Variants in MUC3A observed in about 807,000 individuals in gnomAD.
MUC3A encodes mucin-3A.
A neutral mutation model predicts 109.0 loss-of-function variants in MUC3A; 109 were observed. That is an observed-to-expected ratio of 1.00 (90% CI 0.86 to 1.17). The LOEUF (loss-of-function observed/expected upper bound fraction) is 1.17, where lower values mean the gene tolerates loss of function less well. MUC3A is among the 50% of genes most tolerant of loss of function. The pLI is 0.00. For missense variants in MUC3A, 3,537 were observed against 2,469.4 expected, an observed-to-expected ratio of 1.43 and a Z score of -9.16; for synonymous variants, 1,398 against 981.4, an observed-to-expected ratio of 1.42 and a Z score of -7.93.
Position 100,953,669 on chromosome 7 carries a change from T to C in MUC3A, c.1890T>C (p.Thr630=). The C allele has an allele frequency of 2.2e-6, 1 of 446,264 alleles. No individual in the cohort carries two copies. The highest frequency in any genetic ancestry group is 3.9e-6 in the Non-Finnish European group (1 of 253,242). The allele number at this position is 446,264 out of a possible 1,614,324, so 27.6% of individuals were successfully genotyped here. ...CAGAATCTCTCACAACAGCCATGAC[T>C]TCTCCTCCCATCACTTCATCAGTCA... ...MSTESLTTAM[T]SPPITSSVTS... is the part of the protein sequence containing the mutation. The change falls in exon 2 of 12, where the codon ACT becomes ACC. Residue 630 remains threonine, a synonymous_variant. Coordinates refer to ENST00000379458, the MANE Select transcript of MUC3A (RefSeq NM_005960.2).
In MUC3A at chr7:100,959,432, G is replaced by A. The variant is rs2116196965; in HGVS notation, c.7653G>A (p.Val2551=). The change falls in exon 2 of 12, where the codon GTG becomes GTA. Residue 2551 remains valine (V), a synonymous_variant. Transcript: ENST00000379458. ...VGTTSPTMST[V]RMTLRITENT... The stretch of plus-strand genomic sequence containing the variant: ...CCACCTCTCCCACCATGTCCACTGT[G>A]AGAATGACCCTCAGAATTACTGAGA... 1.9e-6 allele frequency: 3 copies of A among 1,543,584 alleles called. No individual in the cohort carries two copies. The highest frequency in any genetic ancestry group is 2.6e-6 in the Non-Finnish European group (3 of 1,156,840).
rs1229830781 is a variant in MUC3A at position 100,955,121 on chromosome 7, T to A, written c.3342T>A (p.Thr1114=). The change falls in exon 2 of 12, where the codon ACT becomes ACA. Residue 1114 remains threonine (T), a synonymous_variant. Transcript: ENST00000379458. ...YSTSITGTLS[T]ATTLPPTSSS... ...CAAGTATAACAGGTACATTGTCCAC[T>A]GCCACTACTCTCCCACCCACCTCTT... The A allele has an allele frequency of 2.2e-6, 1 of 451,468 alleles. No homozygotes were observed. Among genetic ancestry groups the A allele is most frequent in the Non-Finnish European group, 3.8e-6 (1 of 264,190 alleles). 28.0% of individuals were successfully genotyped at this position (451,468 alleles called of 1,614,324 possible).
chr7:100,966,335 T>G (rs1230438997), intron 8 of MUC3A, 51 bp from the exon 9 acceptor site: 28 of 1,250,954 alleles, frequency 2.2e-5, no homozygotes, highest in South Asian at 1.8e-4. Flanking sequence ...GGTGCACGGG[T>G]GGACCCCGAG....
At chr7:100,962,850 T>C (rs1364860936) in intron 3 of MUC3A, among the ~76,000 whole-genome samples, 3 of 140,152 alleles carry the variant, frequency 2.1e-5, no homozygotes, top group Non-Finnish European at 4.7e-5. Context: ...TCTCTCTCTC[T>C]CTATCTTTCT....
chr7:100,965,330 C>T lies in MUC3A; in HGVS notation c.9431C>T (p.Thr3144Ile). The change falls in exon 7 of 12, where the codon ACA becomes ATA. Residue 3144 changes from threonine (T) to isoleucine (I), a missense_variant. Thr to Ile is a moderately conservative substitution (Grantham distance 89, BLOSUM62 -1). Coordinates refer to ENST00000379458, the MANE Select transcript of MUC3A (RefSeq NM_005960.2). ...ATCAAGGTGAACAACAACAGCAAGACAGAGCTGACCCCGGCAGGTAAGGGT... is the reference window on the plus strand; with the variant it reads ...ATCAAGGTGAACAACAACAGCAAGATAGAGCTGACCCCGGCAGGTAAGGGT... ...DSIKVNNNSKTELTPAAICRR... is the reference protein window; with the variant it reads ...DSIKVNNNSKIELTPAAICRR... The T allele has an allele frequency of 6.3e-7, 1 of 1,599,016 alleles. No homozygotes were observed. Among genetic ancestry groups the T allele is most frequent in the Non-Finnish European group, 8.5e-7 (1 of 1,179,660 alleles).
rs373990960 is a variant in MUC3A at position 100,960,449 on chromosome 7, G to C, written c.8670G>C (p.Pro2890=). 3.8e-6 allele frequency: 6 copies of C among 1,598,464 alleles called. No individual in the cohort carries two copies. Among genetic ancestry groups the C allele is most frequent in the Admixed American group, 3.3e-5 (2 of 60,006 alleles). The change falls in exon 2 of 12, where the codon CCG becomes CCC. Residue 2890 remains proline, a synonymous_variant. Coordinates refer to ENST00000379458, the MANE Select transcript of MUC3A (RefSeq NM_005960.2). ...PLPLPGVSTI[P]LTMKPSSSLP... is the part of the protein sequence containing the mutation. ...CTCTTCCTGGCGTCTCTACCATCCCGCTCACCATGAAACCAAGCAGTAGCC... is the reference window on the plus strand; with the variant it reads ...CTCTTCCTGGCGTCTCTACCATCCCCCTCACCATGAAACCAAGCAGTAGCC...
rs1792221690 is a variant in MUC3A at position 100,959,156 on chromosome 7, C to G, written c.7377C>G (p.Ile2459Met). The change falls in exon 2 of 12, where the codon ATC becomes ATG. Residue 2459 changes from isoleucine to methionine, a missense_variant. Coordinates refer to ENST00000379458, the MANE Select transcript of MUC3A (RefSeq NM_005960.2). ...YSTVSTSTTA[I>M]TSHFTTSETA... ...CAGTCAGCACATCCACAACTGCCATCACCTCACATTTTACTACCTCAGAGA... is the reference window on the plus strand; with the variant it reads ...CAGTCAGCACATCCACAACTGCCATGACCTCACATTTTACTACCTCAGAGA... 1 of 1,598,126 alleles carries G rather than the reference C, an allele frequency of 6.3e-7. No individual in the cohort carries two copies. Among genetic ancestry groups the G allele is most frequent in the Non-Finnish European group, 8.5e-7 (1 of 1,179,770 alleles).
In MUC3A at chr7:100,962,088, C is replaced by T. The variant is rs1294557727; in HGVS notation, c.9053-1063C>T. On this transcript the variant is annotated intron_variant, in intron 3 of 11. Coordinates refer to ENST00000379458, the MANE Select transcript of MUC3A (RefSeq NM_005960.2). Reference sequence around the variant, plus strand: ...TCTACTAAAAATACAAAAAATTAGCCGGGCGTAGTGGCGGGCGCCTGTAGT... The same window carrying T: ...TCTACTAAAAATACAAAAAATTAGCTGGGCGTAGTGGCGGGCGCCTGTAGT... Among the ~76,000 whole-genome samples, 3 of 102,348 alleles carry T rather than the reference C, an allele frequency of 2.9e-5. 1 individual carries two copies. The highest frequency in any genetic ancestry group is 6.7e-5 in the Non-Finnish European group (3 of 44,812). The allele number at this position is 102,348 out of a possible 152,430, so 67.1% of individuals were successfully genotyped here. A position where few individuals can be genotyped will look rare whatever the true frequency, so the allele number is the denominator to read the frequency against.
intron 6 of MUC3A, 186 bp downstream of exon 6, chr7:100,965,029 G>C (rs1014362356): frequency 8.9e-7 from 1 of 1,125,304 alleles, no homozygotes; most frequent in Non-Finnish European, 1.2e-6. Context: ...CGTGACCTCG[G>C]TACTGGGAAA....
chr7:100,964,646 A>G, intron 5 of MUC3A, 49 bp from the exon 6 acceptor site: 2 of 1,564,510 alleles, frequency 1.3e-6, no homozygotes, highest in Non-Finnish European at 1.7e-6. Flanking sequence ...CCCTCCAAGG[A>G]CCCATATGTT....
chr7:100,965,679 G>C (rs777585180), intron 7 of MUC3A, 25 bp from the exon 8 acceptor site: 3 of 1,591,134 alleles, frequency 1.9e-6, no homozygotes, highest in African/African-American at 2.7e-5. Context: ...CCTTGTCTCT[G>C]TGCATCCCCC....
chr7:100,959,798 C>G lies in MUC3A; in HGVS notation c.8019C>G (p.Ile2673Met). 1 of 1,593,490 alleles carries G rather than the reference C, an allele frequency of 6.3e-7. No individual in the cohort carries two copies. The highest frequency in any genetic ancestry group is 1.1e-5 in the South Asian group (1 of 89,832). Residue 2673 changes from isoleucine to methionine, a missense_variant, in exon 2 of 12, where the codon ATC (isoleucine) becomes ATG (methionine). Physicochemically the swap from Ile to Met is conservative, Grantham distance 10. Coordinates refer to ENST00000379458, the MANE Select transcript of MUC3A (RefSeq NM_005960.2). Reference sequence around the variant, plus strand: ...GGGGAAGTACGTCTACAAATGCAATCTTGACTTCTTTTAGTACCATCATCT... The same window carrying G: ...GGGGAAGTACGTCTACAAATGCAATGTTGACTTCTTTTAGTACCATCATCT... Reference protein sequence around the residue: ...FTRGSTSTNAILTSFSTIIWS... With the variant: ...FTRGSTSTNAMLTSFSTIIWS...
chr7:100,961,108 C>A, intron 3 of MUC3A, 171 bp downstream of exon 3: 6 of 977,534 alleles, frequency 6.1e-6, no homozygotes, highest in Non-Finnish European at 7.3e-6. Context: ...TCCTCTCCGT[C>A]CTCACCCTTA....
intron 5 of MUC3A, 137 bp downstream of exon 5, chr7:100,963,889 G>T: frequency 7.8e-7 from 1 of 1,282,634 alleles, no homozygotes; most frequent in Non-Finnish European, 1.1e-6. Flanking sequence ...ATCACTCCCT[G>T]GGTATTTTTT....
In MUC3A at chr7:100,954,795, TCTC is replaced by T. The variant is rs1409668078; in HGVS notation, c.3021_3023del (p.Pro1009del). On this transcript the variant is annotated inframe_deletion, in exon 2 of 12. Transcript: ENST00000379458. ...AGTATCTCTCACAACAGCCATGACT[TCTC>T]CTCCCCCCGTCAGTTCTTCAATCAC... is the stretch of plus-strand genomic sequence containing the variant. 46 of 403,832 alleles carry T rather than the reference TCTC, an allele frequency of 1.1e-4. No homozygotes were observed. Among genetic ancestry groups the T allele is most frequent in the Non-Finnish European group, 1.7e-4 (38 of 229,738 alleles). 25.0% of individuals were successfully genotyped at this position (403,832 alleles called of 1,614,324 possible). A position where few individuals can be genotyped will look rare whatever the true frequency, so the allele number is the denominator to read the frequency against.
Position 100,956,340 on chromosome 7 carries a change from A to G in MUC3A, c.4561A>G (p.Lys1521Glu), listed in dbSNP as rs1019648274. The G allele has an allele frequency of 0.035, 21,879 of 623,030 alleles. 25 individuals are homozygous for G. The highest frequency in any genetic ancestry group is 0.041 in the Middle Eastern group (159 of 3,842). 38.6% of individuals were successfully genotyped at this position (623,030 alleles called of 1,614,324 possible). ...PTTNLVTTTTKTTSHSTTSFT... is the reference protein window; with the variant it reads ...PTTNLVTTTTETTSHSTTSFT... ...CACAAACTTGGTAACCACCACCACC[A>G]AGACCACCTCACATAGTACCACCAG... Residue 1521 changes from lysine to glutamate, a missense_variant, in exon 2 of 12, where the codon AAG becomes GAG. Physicochemically the swap from Lys to Glu is moderately conservative, Grantham distance 56. Coordinates refer to ENST00000379458, the MANE Select transcript of MUC3A (RefSeq NM_005960.2).
In MUC3A at chr7:100,952,496, C is replaced by G; in HGVS notation, c.717C>G (p.Thr239=). Residue 239 remains threonine, a synonymous_variant, in exon 2 of 12, where the codon ACC becomes ACG. Coordinates refer to ENST00000379458, the MANE Select transcript of MUC3A (RefSeq NM_005960.2). Reference sequence around the variant, plus strand: ...TGCCCACTGGAAGCATCCATACAACCACGTCCCCAACCCCAGTATTTACTA... The same window carrying G: ...TGCCCACTGGAAGCATCCATACAACGACGTCCCCAACCCCAGTATTTACTA... The part of the protein sequence containing the change: ...TPLPTGSIHT[T]TSPTPVFTTL... 1.3e-6 allele frequency: 2 copies of G among 1,598,500 alleles called. No homozygotes were observed. The highest frequency in any genetic ancestry group is 1.7e-6 in the Non-Finnish European group (2 of 1,179,748).
Position 100,968,292 on chromosome 7 carries a change from A to T in MUC3A, c.*1130A>T, listed in dbSNP as rs1216914850. On this transcript the variant is annotated 3_prime_UTR_variant, in exon 12 of 12. Coordinates refer to ENST00000379458, the MANE Select transcript of MUC3A (RefSeq NM_005960.2). ...GGGAAGATTGGCTTTGGGGACAGGA[A>T]GTCGGCACATCTCCAGGTCTTCATG... 6.5e-6 allele frequency: 1 copy of T among 153,008 alleles called. No individual in the cohort carries two copies. Among genetic ancestry groups the T allele is most frequent in the African/African-American group, 2.4e-5 (1 of 41,498 alleles). 9.5% of individuals were successfully genotyped at this position (153,008 alleles called of 1,614,324 possible). A position where few individuals can be genotyped will look rare whatever the true frequency, so the allele number is the denominator to read the frequency against.
Position 100,958,676 on chromosome 7 carries a change from C to G in MUC3A, c.6897C>G (p.Thr2299=), listed in dbSNP as rs553612540. The G allele has an allele frequency of 6.3e-7, 1 of 1,587,718 alleles. No individual in the cohort carries two copies. The change falls in exon 2 of 12, where the codon ACC becomes ACG. Residue 2299 remains threonine (T), a synonymous_variant. Transcript: ENST00000379458. ...CTTCTTTAATCACCACCACCAAGAC[C>G]ACCTCACACAGTACTCCCAGCTTCA... The part of the protein sequence containing the change: ...SSTSLITTTK[T]TSHSTPSFTS...
Sources: allele counts gnomAD v4.1 joint callset (sites outside exome capture counted in the v4.1 genomes callset), GRCh38; gene constraint gnomAD v4.1.1; transcripts MANE v1.5; gene names NCBI Gene and HGNC (gene_info 2026-07-23, HGNC 2026-07-21).